PEAK1: variants seen among roughly 807,000 people sequenced by gnomAD.
PEAK1 encodes the protein pseudopodium enriched atypical kinase 1, also known as inactive tyrosine-protein kinase PEAK1.
A neutral mutation model predicts 124.7 loss-of-function variants in PEAK1; 54 were observed. The observed-to-expected ratio is 0.43, with a 90% CI of 0.35 to 0.54. The LOEUF is 0.54. Among genes scored for constraint, PEAK1 ranks in the 20% least tolerant of loss-of-function variants. The pLI, the probability that PEAK1 is intolerant of heterozygous loss-of-function variation, is 0.01. For synonymous variants in PEAK1, 719 were observed against 760.0 expected, an observed-to-expected ratio of 0.95 and a Z score of 0.89; for missense variants, 2,046 against 2,134.5, an observed-to-expected ratio of 0.96 and a Z score of 0.82.
chr15:77,237,313 T>C (rs1274064532), intron 6 of PEAK1, among the ~76,000 whole-genome samples: 1 of 152,154 alleles, frequency 6.6e-6, no homozygotes, highest in Non-Finnish European at 1.5e-5. Context: ...GTAAATTTCT[T>C]CTGAGTAAAT....
chr15:77,371,415 AAAAC>A (rs2068632518), intron 1 of PEAK1: 1 of 971,838 alleles, frequency 1.0e-6, no homozygotes, highest in Non-Finnish European at 1.2e-6. Flanking sequence ...CAAAAAACTT[AAAAC>A]AATTATTTCA....
chr15:77,245,849 T>C (rs770398919), intron 6 of PEAK1, among the ~76,000 whole-genome samples: 7 of 152,240 alleles, frequency 4.6e-5, no homozygotes, highest in Non-Finnish European at 1.0e-4. Flanking sequence ...AACGACAATA[T>C]ACTGCTCAAG....
chr15:77,182,964 A>C (rs909459504), intron 6 of PEAK1, among the ~76,000 whole-genome samples: 2 of 151,992 alleles, frequency 1.3e-5, no homozygotes, highest in Non-Finnish European at 2.9e-5. Flanking sequence ...CCAACAAAAT[A>C]TGTGTAAAAT....
rs543633521 is a variant in PEAK1, at chr15:77,355,920, C to T, written c.-603+9243G>A. On this transcript the variant is annotated intron_variant, in intron 2 of 9. Transcript: ENST00000682557. ...AAAAACCCCTGGGTTGACTAGGACC[C>T]CTGTGTGTGGAATGGTGGCTTAGGC... 6.2e-4 allele frequency: 607 copies of T among 985,342 alleles called. No individual in the cohort carries two copies. In the African/African-American group the frequency reaches 0.01, roughly 16 times the overall value. The allele number at this position is 985,342 out of a possible 1,614,324, so 61.0% of individuals were successfully genotyped here.
intron 6 of PEAK1, among the ~76,000 whole-genome samples, chr15:77,190,577 A>G (rs1056190103): frequency 1.3e-5 from 2 of 152,234 alleles, no homozygotes; most frequent in African/African-American, 4.8e-5. Context: ...ACAGCAATAT[A>G]ATTTCCAGGA....
At chr15:77,152,686 T>G (rs981780796) in intron 8 of PEAK1, among the ~76,000 whole-genome samples, 2 of 152,066 alleles carry the variant, frequency 1.3e-5, no homozygotes, top group Non-Finnish European at 2.9e-5. Context: ...TTATTGAGAG[T>G]TTTTAGCATG....
chr15:77,137,218 C>G (rs1351751476), intron 8 of PEAK1, among the ~76,000 whole-genome samples: 1 of 152,200 alleles, frequency 6.6e-6, no homozygotes, highest in Admixed American at 6.5e-5. Context: ...AGAACCTCTG[C>G]TAGGGCAGTG....
intron 2 of PEAK1, among the ~76,000 whole-genome samples, chr15:77,290,910 C>G (rs1467270529): frequency 6.6e-6 from 1 of 152,130 alleles, no homozygotes; most frequent in African/African-American, 2.4e-5. Flanking sequence ...AAATCAGCCA[C>G]CCCAAACTGA....
At chr15:77,336,287 T>C (rs1329622112) in intron 2 of PEAK1, 2 of 985,278 alleles carry the variant, frequency 2.0e-6, no homozygotes, top group East Asian at 2.3e-4. Flanking sequence ...AACTAAACTG[T>C]CCACATGGCT....
At chr15:77,200,643 C>A (rs1335304301) in intron 6 of PEAK1, among the ~76,000 whole-genome samples, 1 of 152,106 alleles carries the variant, frequency 6.6e-6, no homozygotes, top group Non-Finnish European at 1.5e-5. Flanking sequence ...TTAAAAGTCC[C>A]CTCAATTTGA....
chr15:77,179,225 C>A lies in PEAK1; in HGVS notation c.2702G>T (p.Arg901Met). 6.2e-7 allele frequency: 1 copy of A among 1,614,130 alleles called. No homozygotes were observed. The highest frequency in any genetic ancestry group is 1.1e-5 in the South Asian group (1 of 91,078). ...TNWTKPTSPTRSTEAESVLHS... is the reference protein window; with the variant it reads ...TNWTKPTSPTMSTEAESVLHS... The stretch of plus-strand genomic sequence containing the variant: ...CAAAACTGATTCAGCTTCTGTTGAC[C>A]TGGTAGGGCTGGTTGGCTTGGTCCA... The change falls in exon 7 of 10, where the codon AGG becomes ATG. Residue 901 changes from arginine (R) to methionine (M), a missense_variant. Physicochemically the swap from Arg to Met is moderately conservative, Grantham distance 91. Coordinates refer to ENST00000682557, the MANE Select transcript of PEAK1 (RefSeq NM_001385026.1).
chr15:77,113,173 C>G lies in PEAK1; in HGVS notation c.*983G>C, dbSNP rs534003402. On this transcript the variant is annotated 3_prime_UTR_variant, in exon 10 of 10. Coordinates refer to ENST00000682557, the MANE Select transcript of PEAK1 (RefSeq NM_001385026.1). ...GCAATTGTTTACAGCATTTGGTAAA[C>G]TAGTTAACACTGGCTACTGATAGAA... The G allele has an allele frequency of 5.9e-5, 9 of 152,370 alleles. No homozygotes were observed. The highest frequency in any genetic ancestry group is 1.9e-4 in the African/African-American group (8 of 41,576). 9.4% of individuals were successfully genotyped at this position (152,370 alleles called of 1,614,324 possible). A position where few individuals can be genotyped will look rare whatever the true frequency, so the allele number is the denominator to read the frequency against.
chr15:77,408,605 G>A (rs530654981), intron 1 of PEAK1, among the ~76,000 whole-genome samples: 1 of 151,314 alleles, frequency 6.6e-6, no homozygotes, highest in African/African-American at 2.4e-5. Context: ...TAGAGAACTG[G>A]CATTAGAAGA....
At chr15:77,350,488 T>C (rs2067140474) in intron 2 of PEAK1, 1 of 985,134 alleles carries the variant, frequency 1.0e-6, no homozygotes, top group African/African-American at 1.7e-5. Context: ...TGCTTGTCTG[T>C]CTTCTAAGAA....
At chr15:77,182,173 T>C in intron 6 of PEAK1, 133 bp from the exon 7 acceptor site, 1 of 757,908 alleles carries the variant, frequency 1.3e-6, no homozygotes, top group Non-Finnish European at 1.8e-6. Flanking sequence ...GCTAAACTAA[T>C]TTGTGTACTT....
chr15:77,396,849 A>C (rs1229057603), intron 1 of PEAK1, among the ~76,000 whole-genome samples: 1 of 152,236 alleles, frequency 6.6e-6, no homozygotes, highest in Non-Finnish European at 1.5e-5. Context: ...AGAGAGATCT[A>C]GATCCCAAGA....
At position 77,272,964 on chromosome 15, in the gene PEAK1, G is replaced by A. The variant is rs201655377; in HGVS notation, c.-275+10919C>T. ...TGCAGGGATGGTTTAACATCTGCAAGTCAATAAATGTGATACACCACAGAA... is the reference window on the plus strand; with the variant it reads ...TGCAGGGATGGTTTAACATCTGCAAATCAATAAATGTGATACACCACAGAA... On this transcript the variant is annotated intron_variant, in intron 5 of 9. Transcript: ENST00000682557. 4.6e-5 allele frequency among the ~76,000 whole-genome samples: 7 copies of A among 152,190 alleles called. No homozygotes were observed. In the East Asian group the frequency reaches 1.4e-3, roughly 29 times the overall value.
At chr15:77,328,313 C>T (rs1383812892) in intron 2 of PEAK1, among the ~76,000 whole-genome samples, 2 of 152,050 alleles carry the variant, frequency 1.3e-5, no homozygotes, top group African/African-American at 4.8e-5. Flanking sequence ...TTGAATGTAC[C>T]ACAAAACTGT....
At position 77,178,928 on chromosome 15, in the gene PEAK1, AGCTG is replaced by A; in HGVS notation, c.2995_2998del (p.Gln999SerfsTer49). On this transcript the variant is annotated frameshift_variant, in exon 7 of 10. Coordinates refer to ENST00000682557, the MANE Select transcript of PEAK1 (RefSeq NM_001385026.1). LOFTEE classifies it high-confidence loss of function. ...CCTAGCCTTGCTCTGATCCACACTGAGCTGGCCTTGAGCAGGGTCGCACCTGTAC... is the reference window on the plus strand; with the variant it reads ...CCTAGCCTTGCTCTGATCCACACTGAGCCTTGAGCAGGGTCGCACCTGTAC... 1 of 1,613,966 alleles carries A rather than the reference AGCTG, an allele frequency of 6.2e-7. No individual in the cohort carries two copies. The highest frequency in any genetic ancestry group is 8.5e-7 in the Non-Finnish European group (1 of 1,179,986).
Sources: gnomAD v4.1 joint callset for allele counts (sites outside exome capture counted in the v4.1 genomes callset) on GRCh38, gnomAD v4.1.1 for gene constraint, MANE v1.5 for transcripts, NCBI Gene and HGNC (gene_info 2026-07-23, HGNC 2026-07-21) for gene names.